The following NPEPL1 variants were observed in gnomAD, a reference collection of about 807,000 sequenced individuals.
NPEPL1 encodes the protein aminopeptidase like 1, also known as probable aminopeptidase NPEPL1.
NPEPL1 carries 45 observed loss-of-function variants against 52.4 expected under a neutral mutation model. The ratio of observed to expected loss-of-function variants is 0.86; its 90% CI spans 0.68 to 1.10. The LOEUF is 1.10. Among genes scored for constraint, NPEPL1 ranks in the 50% least tolerant of loss-of-function variants. The probability of loss-of-function intolerance (pLI) is 0.00; values close to 1 mark genes in which losing one functional copy is unlikely to be tolerated. For synonymous variants in NPEPL1, 360 were observed against 314.7 expected, an observed-to-expected ratio of 1.14 and a Z score of -1.52; for missense variants, 696 against 710.9, an observed-to-expected ratio of 0.98 and a Z score of 0.24.
Position 58,713,741 on chromosome 20 carries a change from C to A in NPEPL1, c.1126-176C>A, listed in dbSNP as rs1217085475. On this transcript the variant is annotated intron_variant, in intron 9 of 11. Coordinates refer to ENST00000356091, the MANE Select transcript of NPEPL1 (RefSeq NM_024663.4). The surrounding 1 kb of genome is among the most constrained non-coding windows in gnomAD (Gnocchi z 4.6). ...CCCAGGCTGGATGCAGAGCCGGGAA[C>A]CGCCTCCTGTGTGCTTCATGGCCAT... 1 of 1,053,672 alleles carries A rather than the reference C, an allele frequency of 9.5e-7. No homozygotes were observed. The highest frequency in any genetic ancestry group is 1.3e-6 in the Non-Finnish European group (1 of 764,870). The allele number at this position is 1,053,672 out of a possible 1,614,324, so 65.3% of individuals were successfully genotyped here. A position where few individuals can be genotyped will look rare whatever the true frequency, so the allele number is the denominator to read the frequency against.
chr20:58,712,742 CAGGCGCACCTCACGTTGAGGGGCCCA>C, intron 8 of NPEPL1, 163 bp downstream of exon 8: 1 of 697,560 alleles, frequency 1.4e-6, no homozygotes, highest in Non-Finnish European at 2.6e-6. Context: ...GCTTTGGTAG[CAGGCGCACCTCACGTTGAGGGGCCCA>C]TGGCACCTGG....
At chr20:58,701,193 G>A (rs1250578929) in intron 6 of NPEPL1, 35 bp downstream of exon 6, 3 of 1,452,204 alleles carry the variant, frequency 2.1e-6, no homozygotes, top group African/African-American at 3.0e-5. Flanking sequence ...GTGCCCTGGG[G>A]GAGGGGAGGG....
chr20:58,695,037 T>TGG, intron 3 of NPEPL1, among the ~76,000 whole-genome samples: 2 of 8,402 alleles, frequency 2.4e-4, no homozygotes, highest in Non-Finnish European at 2.9e-4. Context: ...GTGGTATGTG[T>TGG]TGCTGTGTAT....
chr20:58,690,724 C>T (rs2084330625), upstream of NPEPL1, among the ~76,000 whole-genome samples: 1 of 152,308 alleles, frequency 6.6e-6, no homozygotes, highest in South Asian at 2.1e-4. Flanking sequence ...TCATTTTGTT[C>T]ATCCTTTCTG....
At chr20:58,697,151 T>C (rs2084510616) in intron 3 of NPEPL1, among the ~76,000 whole-genome samples, 1 of 152,224 alleles carries the variant, frequency 6.6e-6, no homozygotes, top group Admixed American at 6.5e-5. Flanking sequence ...TCTTGCACGA[T>C]GCCTGGCACA....
chr20:58,701,098 C>T lies in NPEPL1; in HGVS notation c.762C>T (p.Thr254=). ...LSHTPDGATQ[T]IAWVGKGIVY... ...ACACCCCAGATGGAGCCACGCAGAC[C>T]ATCGCCTGGGTGGGCAAAGGCATCG... The change falls in exon 6 of 12, where the codon ACC becomes ACT. Residue 254 remains threonine, a synonymous_variant. Transcript: ENST00000356091. 6.3e-7 allele frequency: 1 copy of T among 1,593,928 alleles called. No homozygotes were observed. Among genetic ancestry groups the T allele is most frequent in the Non-Finnish European group, 8.5e-7 (1 of 1,171,182 alleles).
intron 3 of NPEPL1, among the ~76,000 whole-genome samples, chr20:58,696,431 C>T (rs2084493439): frequency 6.6e-6 from 1 of 152,230 alleles, no homozygotes; most frequent in Admixed American, 6.5e-5. Flanking sequence ...TTGGGAGTCC[C>T]CAGAGGGCAG....
upstream of NPEPL1, among the ~76,000 whole-genome samples, chr20:58,690,061 A>G (rs980602835): frequency 6.6e-6 from 1 of 152,258 alleles, no homozygotes; most frequent in African/African-American, 2.4e-5. Context: ...GTGAAGTCTG[A>G]CATGAAATTA....
chr20:58,704,279 T>C (rs1324348428), intron 6 of NPEPL1: 5 of 968,232 alleles, frequency 5.2e-6, no homozygotes, highest in Non-Finnish European at 6.1e-6. Context: ...CAGCTCCCAG[T>C]TTTGCAAGAA....
chr20:58,691,315 G>A, upstream of NPEPL1: 1 of 490,914 alleles, frequency 2.0e-6, no homozygotes, highest in South Asian at 1.9e-5. Flanking sequence ...TGACTTTTAT[G>A]TCGGGAAAGC....
At chr20:58,704,309 T>C (rs1407312658) in intron 6 of NPEPL1, 2 of 985,204 alleles carry the variant, frequency 2.0e-6, no homozygotes, top group East Asian at 1.1e-4. Context: ...CACAGCTCCA[T>C]TTTCAAAGAT....
In NPEPL1 at chr20:58,693,777, C is replaced by T. The variant is rs375369639; in HGVS notation, c.191C>T (p.Thr64Met). The T allele has an allele frequency of 9.3e-6, 15 of 1,613,134 alleles. No homozygotes were observed. The highest frequency in any genetic ancestry group is 1.1e-5 in the Non-Finnish European group (13 of 1,179,322). Residue 64 changes from threonine to methionine, a missense_variant, in exon 2 of 12, where the codon ACG becomes ATG. Thr to Met is a moderately conservative substitution (Grantham distance 81). Coordinates refer to ENST00000356091, the MANE Select transcript of NPEPL1 (RefSeq NM_024663.4). ...AALSTLNPNP[T>M]DSCPLYLNYA... is the part of the protein sequence containing the mutation. ...CTGAGCACGCTCAACCCCAACCCCA[C>T]GGACAGCTGTCCCCTCTACCTGAAC...
rs556516383 is a variant in NPEPL1, at chr20:58,704,255, G to A, written c.823-2868G>A. 793 of 985,004 alleles carry A rather than the reference G, an allele frequency of 8.1e-4. 1 individual carries two copies. The highest frequency in any genetic ancestry group is 9.3e-4 in the Admixed American group (15 of 16,216). The allele number at this position is 985,004 out of a possible 1,614,324, so 61.0% of individuals were successfully genotyped here. On this transcript the variant is annotated intron_variant, in intron 6 of 11. Coordinates refer to ENST00000356091, the MANE Select transcript of NPEPL1 (RefSeq NM_024663.4). ...ATGGTCACTCCTCAAAAAGCAAGCC[G>A]GCTGGAGCCAGCCCAGCTCCCAGTT...
At chr20:58,709,956 G>T (rs1425965353) in intron 7 of NPEPL1, among the ~76,000 whole-genome samples, 10 of 151,804 alleles carry the variant, frequency 6.6e-5, no homozygotes. Context: ...ACCCCCTGCT[G>T]CCCATTGTCC....
chr20:58,693,544 G>C lies in NPEPL1; in HGVS notation c.151-193G>C, dbSNP rs886302469. The C allele has an allele frequency of 7.7e-6, 4 of 517,540 alleles. No homozygotes were observed. In the East Asian group the frequency reaches 1.3e-4, roughly 17 times the overall value. 32.1% of individuals were successfully genotyped at this position (517,540 alleles called of 1,614,324 possible). A position where few individuals can be genotyped will look rare whatever the true frequency, so the allele number is the denominator to read the frequency against. ...TGGCTTCATCCCACCAGGGGGATGC[G>C]AGCCAGCCTAGAGACAGTTAGCTCT... On this transcript the variant is annotated intron_variant, in intron 1 of 11. Transcript: ENST00000356091.
At chr20:58,692,097 GA>G (rs1477454352), upstream of NPEPL1, 1 of 480,456 alleles carries the variant, frequency 2.1e-6, no homozygotes, top group Non-Finnish European at 3.7e-6. This position sits in a 1 kb window ranked among gnomAD's most constrained non-coding sequence, Gnocchi z 5.7. Flanking sequence ...TGTGCCAGAT[GA>G]CCCTTCTTGC....
chr20:58,689,396 G>T (rs892338984), upstream of NPEPL1, among the ~76,000 whole-genome samples: 3 of 152,078 alleles, frequency 2.0e-5, no homozygotes, highest in Non-Finnish European at 4.4e-5. Context: ...GAGTAGCTGG[G>T]ATTACAGGCA....
At chr20:58,694,027 G>A (rs2123078566) in intron 2 of NPEPL1, 105 bp downstream of exon 2, 1 of 1,142,894 alleles carries the variant, frequency 8.7e-7, no homozygotes, top group Non-Finnish European at 1.2e-6. Context: ...CACGCCCAGA[G>A]GGCTGTGGAC....
chr20:58,701,602 G>A (rs1048337886), intron 6 of NPEPL1, among the ~76,000 whole-genome samples: 6 of 152,142 alleles, frequency 3.9e-5, no homozygotes, highest in Admixed American at 6.5e-5. Flanking sequence ...GAGCAGCCCC[G>A]GAAATGACGG....
Sources: gnomAD v4.1 joint callset for allele counts (sites outside exome capture counted in the v4.1 genomes callset) on GRCh38, gnomAD v4.1.1 for gene constraint, Gnocchi (gnomAD v3.1) non-coding constraint, MANE v1.5 for transcripts, NCBI Gene and HGNC (gene_info 2026-07-23, HGNC 2026-07-21) for gene names.